COL28A1: variants seen among roughly 807,000 people sequenced by gnomAD.
COL28A1 encodes collagen type XXVIII alpha 1 chain, also known as collagen alpha-1(XXVIII) chain.
In COL28A1, 161 loss-of-function variants were observed where a neutral mutation model predicts 150.2. The ratio of observed to expected loss-of-function variants is 1.07; its 90% CI spans 0.94 to 1.22. The LOEUF (loss-of-function observed/expected upper bound fraction) is 1.22. Among genes scored for constraint, COL28A1 ranks in the 50% most tolerant of loss-of-function variants. The probability of loss-of-function intolerance (pLI) is 0.00; values close to 1 mark genes in which losing one functional copy is unlikely to be tolerated. For synonymous variants in COL28A1, 552 were observed against 469.7 expected (o/e 1.18, Z -2.26); for missense variants, 1,617 against 1,388.3 (o/e 1.16, Z -2.62).
Position 7,443,646 on chromosome 7 carries a change from G to A in COL28A1, c.1589C>T (p.Ala530Val), listed in dbSNP as rs186252649. The A allele has an allele frequency of 4.4e-5, 71 of 1,613,894 alleles. No individual in the cohort carries two copies. The East Asian group carries it at 8.0e-4, about 18-fold the overall frequency. The stretch of plus-strand genomic sequence containing the variant: ...TGGGCCTCTTGCTCCCGGAAGCCCC[G>A]CTTCTCCCTAGAGAAAATGACACTG... ...EDGAAGKKGE[A>V]GLPGARGPEG... The change falls in exon 20 of 35, where the codon GCG becomes GTG. Residue 530 changes from alanine (A) to valine (V), a missense_variant. Transcript: ENST00000399429.
At chr7:7,498,203 T>C (rs1482493006) in intron 11 of COL28A1, among the ~76,000 whole-genome samples, 4 of 152,112 alleles carry the variant, frequency 2.6e-5, no homozygotes, top group African/African-American at 4.8e-5. Context: ...TACTTCATTA[T>C]ATATAACAAA....
chr7:7,386,909 T>C (rs1386627406), intron 27 of COL28A1, among the ~76,000 whole-genome samples: 1 of 152,156 alleles, frequency 6.6e-6, no homozygotes, highest in African/African-American at 2.4e-5. Context: ...GATCAAGGAA[T>C]TGGCAAATTC....
In COL28A1 at chr7:7,531,818, C is replaced by A. The variant is rs373925564; in HGVS notation, c.211G>T (p.Val71Leu). ...IALFDKQKDFVDSLSDKIFQL... is the reference protein window; with the variant it reads ...IALFDKQKDFLDSLSDKIFQL... The stretch of plus-strand genomic sequence containing the variant: ...AAAATCTTGTCACTCAAGCTATCCA[C>A]AAAATCTTTCTGTTTATCAAAGAGG... The change falls in exon 3 of 35, where the codon GTG becomes TTG. Residue 71 changes from valine to leucine, a missense_variant. Physicochemically the swap from Val to Leu is conservative, Grantham distance 32. Transcript: ENST00000399429. 1.3e-5 allele frequency: 21 copies of A among 1,604,260 alleles called. No homozygotes were observed. The highest frequency in any genetic ancestry group is 1.8e-5 in the Non-Finnish European group (21 of 1,171,044).
chr7:7,510,455 T>C (rs922812370), intron 9 of COL28A1, among the ~76,000 whole-genome samples: 1 of 152,174 alleles, frequency 6.6e-6, no homozygotes, highest in African/African-American at 2.4e-5. Flanking sequence ...TGGCTAATTT[T>C]TGTATTTTTA....
chr7:7,434,896 G>GT (rs1562636779), intron 23 of COL28A1, among the ~76,000 whole-genome samples: 1 of 152,138 alleles, frequency 6.6e-6, no homozygotes, highest in African/African-American at 2.4e-5. Flanking sequence ...TGGAAACCTA[G>GT]TATTTTGAAA....
intron 33 of COL28A1, among the ~76,000 whole-genome samples, chr7:7,362,048 C>G (rs3857760): frequency 0.78 from 117,892 of 151,398 alleles, 46,061 homozygotes; most frequent in East Asian, 0.87. Context: ...GGGCCTAGGG[C>G]AAGGAAAGCA....
the COL28A1 span, among the ~76,000 whole-genome samples, chr7:7,341,704 A>C: frequency 6.6e-6 from 1 of 152,132 alleles, no homozygotes; most frequent in South Asian, 2.1e-4. Context: ...TGAATTTTTA[A>C]TGACTCATGA....
chr7:7,524,809 T>C (rs1252560889), intron 3 of COL28A1, among the ~76,000 whole-genome samples: 2 of 152,180 alleles, frequency 1.3e-5, no homozygotes, highest in Non-Finnish European at 1.5e-5. Context: ...ATCTGAATTA[T>C]GAGAAGACAA....
chr7:7,458,014 A>T (rs1157067802), intron 15 of COL28A1, among the ~76,000 whole-genome samples: 4 of 152,244 alleles, frequency 2.6e-5, no homozygotes, highest in Non-Finnish European at 5.9e-5. Flanking sequence ...TAGATAATAT[A>T]TAGTGAACAA....
intron 13 of COL28A1, among the ~76,000 whole-genome samples, chr7:7,483,722 C>G (rs1779473888): frequency 6.6e-6 from 1 of 151,870 alleles, no homozygotes; most frequent in Non-Finnish European, 1.5e-5. Context: ...CGTAAACTTC[C>G]TCAAGAATGT....
chr7:7,375,545 T>G (rs773005247), intron 30 of COL28A1, 48 bp from the exon 31 acceptor site: 1 of 1,265,534 alleles, frequency 7.9e-7, no homozygotes, highest in Non-Finnish European at 1.1e-6. Context: ...GACTATAATA[T>G]TTTTCCTAGA....
chr7:7,489,579 T>C, intron 12 of COL28A1, 122 bp from the exon 13 acceptor site: 1 of 671,636 alleles, frequency 1.5e-6, no homozygotes, highest in African/African-American at 1.8e-5. Flanking sequence ...TTGGTTTTCA[T>C]AAAGGTAAAA....
In COL28A1 at chr7:7,417,925, A is replaced by G. The variant is rs758711470; in HGVS notation, c.2070T>C (p.Gly690=). 1 of 1,603,914 alleles carries G rather than the reference A, an allele frequency of 6.2e-7. No homozygotes were observed. Among genetic ancestry groups the G allele is most frequent in the Admixed American group, 1.8e-5 (1 of 56,766 alleles). The change falls in exon 27 of 35, where the codon GGT becomes GGC. Residue 690 remains glycine, a splice_region_variant and synonymous_variant. Coordinates refer to ENST00000399429, the MANE Select transcript of COL28A1 (RefSeq NM_001037763.3). ...PRGVGTQGPK[G]DTGQKGLPGP... ...CAGGCAAGCCTTTCTGCCCAGTATC[A>G]CCCTGTTAGAAGATGGGGAGAATTT...
chr7:7,400,471 A>T (rs571135864), intron 27 of COL28A1, among the ~76,000 whole-genome samples: 10 of 152,284 alleles, frequency 6.6e-5, no homozygotes, highest in African/African-American at 2.4e-4. Context: ...AAAAACTAGG[A>T]AATGTATTCT....
At chr7:7,344,473 A>T in the COL28A1 span, among the ~76,000 whole-genome samples, 1 of 152,224 alleles carries the variant, frequency 6.6e-6, no homozygotes, top group South Asian at 2.1e-4. Context: ...ACTTATAGTT[A>T]AGATTGAATT....
chr7:7,413,341 A>C (rs187400460), intron 27 of COL28A1, among the ~76,000 whole-genome samples: 1 of 152,344 alleles, frequency 6.6e-6, no homozygotes, highest in East Asian at 1.9e-4. Context: ...TATACTTCAG[A>C]GCAACAAATG....
chr7:7,341,471 C>G, the COL28A1 span, among the ~76,000 whole-genome samples: 1 of 152,026 alleles, frequency 6.6e-6, no homozygotes. Context: ...TTGGCATGAT[C>G]ATGGCTCACT....
rs555506131 is a variant in COL28A1 at position 7,451,600 on chromosome 7, C to CT, written c.1509+718dup. ...AAACTGAGATTTAAACTTGGGTACT[C>CT]TAACGGCTGAGCCTTACTATATCGT... On this transcript the variant is annotated intron_variant, in intron 18 of 34. Transcript: ENST00000399429. Among the ~76,000 whole-genome samples the CT allele has an allele frequency of 2.6e-3, 401 of 152,046 alleles. 2 individuals are homozygous for CT. The highest frequency in any genetic ancestry group is 9.2e-3 in the African/African-American group (383 of 41,546).
intron 34 of COL28A1, among the ~76,000 whole-genome samples, chr7:7,359,243 A>G (rs1004372519): frequency 6.6e-6 from 1 of 151,998 alleles, no homozygotes; most frequent in African/African-American, 2.4e-5. Context: ...AGGCACCACT[A>G]TGATCACATG....
Sources: allele counts gnomAD v4.1 joint callset (sites outside exome capture counted in the v4.1 genomes callset), GRCh38; gene constraint gnomAD v4.1.1; transcripts MANE v1.5; gene names NCBI Gene and HGNC (gene_info 2026-07-23, HGNC 2026-07-21).